NDUFS6: variants seen among roughly 807,000 people sequenced by gnomAD.
The protein encoded by NDUFS6 is NADH:ubiquinone oxidoreductase subunit S6.
Under a neutral mutation model 13.2 loss-of-function variants are expected in NDUFS6, and 14 were observed. That is an observed-to-expected ratio of 1.06 (90% CI 0.70 to 1.66). The LOEUF (loss-of-function observed/expected upper bound fraction) is 1.66. NDUFS6 is among the 40% of genes most tolerant of loss of function. The pLI, the probability that NDUFS6 is intolerant of heterozygous loss-of-function variation, is 0.00. For missense variants in NDUFS6, 206 were observed against 170.8 expected (o/e 1.21, Z -1.15); for synonymous variants, 95 against 72.3 (o/e 1.31, Z -1.60).
chr5:1,815,869 G>A lies in NDUFS6; in HGVS notation c.328G>A (p.Gly110Ser), dbSNP rs1181175425. ...YINLDKETKT[G>S]TCGYCGLQFR... ...TTTTCAGGACAAAGAAACAAAAACC[G>A]GCACATGCGGTTACTGTGGGCTCCA... The change falls in exon 4 of 4, where the codon GGC (glycine) becomes AGC (serine). Residue 110 changes from glycine (G) to serine (S), a missense_variant. Coordinates refer to ENST00000274137, the MANE Select transcript of NDUFS6 (RefSeq NM_004553.6). The A allele has an allele frequency of 1.2e-6, 2 of 1,614,196 alleles. No homozygotes were observed. The highest frequency in any genetic ancestry group is 1.7e-6 in the Non-Finnish European group (2 of 1,180,036).
chr5:1,808,812 T>C lies in NDUFS6; in HGVS notation c.187-5527T>C, dbSNP rs150073190. On this transcript the variant is annotated intron_variant, in intron 2 of 3. Coordinates refer to ENST00000274137, the MANE Select transcript of NDUFS6 (RefSeq NM_004553.6). ...AGTTTTGCCTGTGATTTAAGAATTA[T>C]ATACTTATATAGACATGTATACACA... is the stretch of plus-strand genomic sequence containing the variant. Among the ~76,000 whole-genome samples the C allele has an allele frequency of 2.9e-3, 445 of 152,400 alleles. 3 individuals carry two copies. Among genetic ancestry groups the C allele is most frequent in the African/African-American group, 0.01 (430 of 41,604 alleles).
At chr5:1,811,041 ATCCACT>A (rs572135746) in intron 2 of NDUFS6, among the ~76,000 whole-genome samples, 181 of 152,244 alleles carry the variant, frequency 1.2e-3, no homozygotes, top group Non-Finnish European at 1.1e-3. Flanking sequence ...CTTTATGACG[ATCCACT>A]TCCACTTAAT....
In NDUFS6 at chr5:1,815,928, CG is replaced by C. The variant is rs1561108962; in HGVS notation, c.*13del. 1.2e-6 allele frequency: 2 copies of C among 1,614,186 alleles called. No individual in the cohort carries two copies. The highest frequency in any genetic ancestry group is 1.7e-6 in the Non-Finnish European group (2 of 1,179,984). ...AGCACCACCACTAGAGCGTGTGGCA[CG>C]CCGGGGGTCCCGCAGCATCCTGTGA... On this transcript the variant is annotated 3_prime_UTR_variant, in exon 4 of 4. Coordinates refer to ENST00000274137, the MANE Select transcript of NDUFS6 (RefSeq NM_004553.6).
rs752528983 is a variant in NDUFS6 at position 1,815,950 on chromosome 5, T to C, written c.*34T>C. On this transcript the variant is annotated 3_prime_UTR_variant, in exon 4 of 4. Transcript: ENST00000274137. ...GCACGCCGGGGGTCCCGCAGCATCC[T>C]GTGAGCATTTCCGCGGGGAAGCTGA... 3.7e-6 allele frequency: 6 copies of C among 1,612,058 alleles called. No individual in the cohort carries two copies. Among genetic ancestry groups the C allele is most frequent in the Non-Finnish European group, 4.2e-6 (5 of 1,178,188 alleles).
chr5:1,801,982 C>G (rs2111345610), intron 1 of NDUFS6, among the ~76,000 whole-genome samples: 1 of 152,276 alleles, frequency 6.6e-6, no homozygotes, highest in South Asian at 2.1e-4. Flanking sequence ...CTGGAATGTG[C>G]CCTAGTAGAT....
Position 1,815,948 on chromosome 5 carries a change from C to T in NDUFS6, c.*32C>T. The T allele has an allele frequency of 6.2e-7, 1 of 1,612,978 alleles. No individual in the cohort carries two copies. Among genetic ancestry groups the T allele is most frequent in the Non-Finnish European group, 8.5e-7 (1 of 1,178,904 alleles). ...TGGCACGCCGGGGGTCCCGCAGCATCCTGTGAGCATTTCCGCGGGGAAGCT... is the reference window on the plus strand; with the variant it reads ...TGGCACGCCGGGGGTCCCGCAGCATTCTGTGAGCATTTCCGCGGGGAAGCT... On this transcript the variant is annotated 3_prime_UTR_variant, in exon 4 of 4. Transcript: ENST00000274137.
rs1449593436 is a variant in NDUFS6 at position 1,814,298 on chromosome 5, G to A, written c.187-41G>A. The A allele has an allele frequency of 1.2e-6, 2 of 1,614,044 alleles. No homozygotes were observed. Among genetic ancestry groups the A allele is most frequent in the South Asian group, 2.2e-5 (2 of 91,078 alleles). ...GGGTTAAATTGTATGTAGTTAGCAA[G>A]TTTGTGTATTTGTTTACGTAAGTCT... On this transcript the variant is annotated intron_variant, in intron 2 of 3. Coordinates refer to ENST00000274137, the MANE Select transcript of NDUFS6 (RefSeq NM_004553.6). The surrounding 1 kb of genome is among the most constrained non-coding windows in gnomAD (Gnocchi z 4.9).
intron 1 of NDUFS6, 21 bp from the exon 2 acceptor site, chr5:1,802,300 G>A (rs370894803): frequency 6.6e-5 from 106 of 1,609,482 alleles, no homozygotes; most frequent in Non-Finnish European, 7.6e-5. Flanking sequence ...AGTCACACAT[G>A]GTCTTTTTGT....
chr5:1,812,093 C>T (rs1009091235), intron 2 of NDUFS6, among the ~76,000 whole-genome samples: 1 of 152,132 alleles, frequency 6.6e-6, no homozygotes, highest in South Asian at 2.1e-4. Flanking sequence ...TTATAAGGAA[C>T]AGAGATTTAT....
chr5:1,806,513 C>T (rs1018120), intron 2 of NDUFS6, among the ~76,000 whole-genome samples: 75,113 of 152,176 alleles, frequency 0.49, 21,776 homozygotes, highest in Middle Eastern at 0.66. Context: ...CAGTTGCACG[C>T]GGTGCAAATG....
chr5:1,801,656 C>T, intron 1 of NDUFS6, 107 bp downstream of exon 1: 1 of 1,467,176 alleles, frequency 6.8e-7, no homozygotes, highest in Non-Finnish European at 9.1e-7. Flanking sequence ...GCCGGCAGCG[C>T]AGGTCGTGGT....
chr5:1,813,466 A>T (rs763064053), intron 2 of NDUFS6, among the ~76,000 whole-genome samples: 6 of 152,254 alleles, frequency 3.9e-5, no homozygotes, highest in Non-Finnish European at 8.8e-5. Flanking sequence ...TTTGGATTTC[A>T]TGTAAATCAG....
chr5:1,814,397 C>G lies in NDUFS6; in HGVS notation c.245C>G (p.Thr82Ser), dbSNP rs1184536594. 2 of 1,613,946 alleles carry G rather than the reference C, an allele frequency of 1.2e-6. No individual in the cohort carries two copies. The highest frequency in any genetic ancestry group is 1.7e-6 in the Non-Finnish European group (2 of 1,180,014). Residue 82 changes from threonine (T) to serine (S), a missense_variant, in exon 3 of 4, where the codon ACT becomes AGT. Transcript: ENST00000274137. This position sits in a 1 kb window ranked among gnomAD's most constrained non-coding sequence, Gnocchi z 4.9. Reference protein sequence around the residue: ...IAEQPVSEVETRVIACDGGGG... With the variant: ...IAEQPVSEVESRVIACDGGGG... ...GAGCAGCCCGTGAGCGAGGTGGAGA[C>G]TCGGGTGATAGCGTGCGATGGCGGC...
chr5:1,801,659 G>T (rs1231851079), intron 1 of NDUFS6, 110 bp downstream of exon 1: 1 of 1,459,096 alleles, frequency 6.9e-7, no homozygotes, highest in African/African-American at 1.4e-5. Context: ...GGCAGCGCAG[G>T]TCGTGGTAAG....
intron 2 of NDUFS6, among the ~76,000 whole-genome samples, chr5:1,806,652 C>T (rs1734127459): frequency 6.6e-6 from 1 of 152,164 alleles, no homozygotes; most frequent in African/African-American, 2.4e-5. Context: ...ACCCTCCAAA[C>T]AGAAAACAAG....
intron 2 of NDUFS6, among the ~76,000 whole-genome samples, chr5:1,812,312 A>G (rs138581424): frequency 0.012 from 1,869 of 152,026 alleles, 19 homozygotes; most frequent in South Asian, 0.027. Flanking sequence ...CTGTCTCTCA[A>G]CACTGTTGCA....
At position 1,802,355 on chromosome 5, in the gene NDUFS6, T is replaced by C; in HGVS notation, c.167T>C (p.Phe56Ser). 1 of 1,614,070 alleles carries C rather than the reference T, an allele frequency of 6.2e-7. No homozygotes were observed. ...YDDKDYRRIR[F>S]VGRQKEVNEN... ...GATAAAGACTACAGGAGAATTCGGT[T>C]TGTAGGTCGTCAGAAAGAGGTGAGT... Residue 56 changes from phenylalanine to serine, a missense_variant, in exon 2 of 4, where the codon TTT becomes TCT. Physicochemically the swap from Phe to Ser is radical, Grantham distance 155 (BLOSUM62 -2). Transcript: ENST00000274137.
rs183100870 is a variant in NDUFS6, at chr5:1,814,057, C to G, written c.187-282C>G. On this transcript the variant is annotated intron_variant, in intron 2 of 3. Coordinates refer to ENST00000274137, the MANE Select transcript of NDUFS6 (RefSeq NM_004553.6). This position sits in a 1 kb window ranked among gnomAD's most constrained non-coding sequence, Gnocchi z 4.9. ...GGAGAAGAGGGCGTGGCAGAGCCCACGGGGCACGTGTCAGCATTTGCTGGG... is the reference window on the plus strand; with the variant it reads ...GGAGAAGAGGGCGTGGCAGAGCCCAGGGGGCACGTGTCAGCATTTGCTGGG... Among the ~76,000 whole-genome samples the G allele has an allele frequency of 6.6e-6, 1 of 152,152 alleles. No individual in the cohort carries two copies. The highest frequency in any genetic ancestry group is 2.4e-5 in the African/African-American group (1 of 41,422).
In NDUFS6 at chr5:1,814,044, G is replaced by A. The variant is rs1481710091; in HGVS notation, c.187-295G>A. On this transcript the variant is annotated intron_variant, in intron 2 of 3. Coordinates refer to ENST00000274137, the MANE Select transcript of NDUFS6 (RefSeq NM_004553.6). This position sits in a 1 kb window ranked among gnomAD's most constrained non-coding sequence, Gnocchi z 4.9. Reference sequence around the variant, plus strand: ...AACGATGTGGTGGGGAGAAGAGGGCGTGGCAGAGCCCACGGGGCACGTGTC... The same window carrying A: ...AACGATGTGGTGGGGAGAAGAGGGCATGGCAGAGCCCACGGGGCACGTGTC... Among the ~76,000 whole-genome samples, 15 of 152,346 alleles carry A rather than the reference G, an allele frequency of 9.8e-5. No homozygotes were observed. Among genetic ancestry groups the A allele is most frequent in the East Asian group, 7.7e-4 (4 of 5,182 alleles).
Sources: allele counts gnomAD v4.1 joint callset (sites outside exome capture counted in the v4.1 genomes callset), GRCh38; gene constraint gnomAD v4.1.1; non-coding constraint Gnocchi (gnomAD v3.1); transcripts MANE v1.5; gene names NCBI Gene and HGNC (gene_info 2026-07-23, HGNC 2026-07-21).